The following COMMD10 variants were observed in gnomAD, a reference collection of about 807,000 sequenced individuals.
The protein encoded by COMMD10 is COMM domain containing 10.
A neutral mutation model predicts 28.9 loss-of-function variants in COMMD10; 33 were observed. That is an observed-to-expected ratio of 1.14 (90% CI 0.87 to 1.53). The LOEUF (loss-of-function observed/expected upper bound fraction) is 1.53, where lower values mean the gene tolerates loss of function less well. Ranked by LOEUF, COMMD10 falls within the 40% of genes most tolerant of loss-of-function variation. The pLI, the probability that COMMD10 is intolerant of heterozygous loss-of-function variation, is 0.00. For missense variants in COMMD10, 310 were observed against 233.4 expected (o/e 1.33, Z -2.14); for synonymous variants, 110 against 81.7 (o/e 1.35, Z -1.87).
intron 5 of COMMD10, among the ~76,000 whole-genome samples, chr5:116,173,838 G>GTTTTTTTTTTTTT (rs201419186): frequency 8.4e-6 from 1 of 118,940 alleles, no homozygotes. Flanking sequence ...GTTTTGTTTT[G>GTTTTTTTTTTTTT]TTTTGTTTTT....
chr5:116,183,586 CTT>C (rs2112599894), intron 5 of COMMD10, among the ~76,000 whole-genome samples: 1 of 152,122 alleles, frequency 6.6e-6, no homozygotes, highest in Admixed American at 6.5e-5. Flanking sequence ...TTGTAACTTT[CTT>C]TGTGTTCTGA....
At chr5:116,174,906 A>G (rs1000410168) in intron 5 of COMMD10, among the ~76,000 whole-genome samples, 1 of 151,952 alleles carries the variant, frequency 6.6e-6, no homozygotes, top group Non-Finnish European at 1.5e-5. Context: ...AAAGTTTGAA[A>G]CTCCTTTAAG....
At chr5:116,211,781 C>A (rs1561669491) in intron 5 of COMMD10, among the ~76,000 whole-genome samples, 1 of 152,062 alleles carries the variant, frequency 6.6e-6, no homozygotes, top group Non-Finnish European at 1.5e-5. Flanking sequence ...CACACACATG[C>A]ACACGCACAC....
chr5:116,263,123 T>C (rs1750492848), intron 5 of COMMD10, among the ~76,000 whole-genome samples: 1 of 151,850 alleles, frequency 6.6e-6, no homozygotes, highest in Non-Finnish European at 1.5e-5. Flanking sequence ...TAAGCCGTTT[T>C]TACTTACACA....
chr5:116,194,551 T>C (rs920399985), intron 5 of COMMD10, among the ~76,000 whole-genome samples: 8 of 152,058 alleles, frequency 5.3e-5, no homozygotes, highest in Non-Finnish European at 1.0e-4. Flanking sequence ...TTTATGCACA[T>C]AAACTAGAAA....
At chr5:116,258,790 T>G (rs554207854) in intron 5 of COMMD10, among the ~76,000 whole-genome samples, 1 of 151,804 alleles carries the variant, frequency 6.6e-6, no homozygotes, top group South Asian at 2.1e-4. Flanking sequence ...GATGCCATAT[T>G]ATTAATGCTT....
chr5:116,179,930 A>G (rs1216512580), intron 5 of COMMD10, among the ~76,000 whole-genome samples: 1 of 152,102 alleles, frequency 6.6e-6, no homozygotes, highest in African/African-American at 2.4e-5. Flanking sequence ...AATAAAGGTA[A>G]GAAGAGTGTA....
Position 116,218,637 on chromosome 5 carries a change from T to G in COMMD10, c.511-72880T>G, listed in dbSNP as rs188696165. 5.1e-4 allele frequency among the ~76,000 whole-genome samples: 78 copies of G among 152,218 alleles called. No individual in the cohort carries two copies. The East Asian group carries it at 0.014, about 28-fold the overall frequency. ...GTGGTAAGAGCTTCCCTATTCCCTG[T>G]TTGACACAAATTTTCTTGGAAGCAA... On this transcript the variant is annotated intron_variant, in intron 5 of 6. Coordinates refer to ENST00000274458, the MANE Select transcript of COMMD10 (RefSeq NM_016144.4).
chr5:116,104,602 T>C (rs1580447509), intron 4 of COMMD10, among the ~76,000 whole-genome samples: 1 of 152,144 alleles, frequency 6.6e-6, no homozygotes, highest in East Asian at 1.9e-4. Flanking sequence ...CACAGACAAT[T>C]TGACTTCCTC....
At chr5:116,135,031 C>G (rs989795578) in intron 5 of COMMD10, among the ~76,000 whole-genome samples, 3 of 152,098 alleles carry the variant, frequency 2.0e-5, no homozygotes, top group African/African-American at 7.2e-5. Flanking sequence ...GTTACTGCGG[C>G]ATATAGGGAA....
chr5:116,161,509 G>A (rs1180552039), intron 5 of COMMD10, among the ~76,000 whole-genome samples: 1 of 151,946 alleles, frequency 6.6e-6, no homozygotes, highest in Non-Finnish European at 1.5e-5. Flanking sequence ...TTGACTCCCC[G>A]AGACCTTTAT....
chr5:116,110,369 A>T (rs557497023), intron 4 of COMMD10, among the ~76,000 whole-genome samples: 2 of 152,004 alleles, frequency 1.3e-5, no homozygotes, highest in Non-Finnish European at 2.9e-5. Context: ...TGGTATTGGG[A>T]TGATACTGGA....
chr5:116,288,872 CTTTTTTTTT>C (rs1157658912), intron 5 of COMMD10, among the ~76,000 whole-genome samples: 2 of 104,382 alleles, frequency 1.9e-5, no homozygotes, highest in South Asian at 6.3e-4. Flanking sequence ...TGTTCTCTCT[CTTTTTTTTT>C]TTTTTTTTTT....
At chr5:116,104,011 T>G (rs1236933455) in intron 4 of COMMD10, among the ~76,000 whole-genome samples, 2 of 152,196 alleles carry the variant, frequency 1.3e-5, no homozygotes, top group African/African-American at 2.4e-5. Context: ...GGTCTATATG[T>G]CTGTATGGTA....
chr5:116,113,306 A>G (rs1751119277), intron 4 of COMMD10, among the ~76,000 whole-genome samples: 1 of 142,320 alleles, frequency 7.0e-6, no homozygotes, highest in South Asian at 2.2e-4. Context: ...TTTATGTTGT[A>G]TTTGCCTGCA....
chr5:116,250,446 G>T (rs1290393744), intron 5 of COMMD10, among the ~76,000 whole-genome samples: 1 of 151,178 alleles, frequency 6.6e-6, no homozygotes, highest in Admixed American at 6.6e-5. Context: ...ATACATAATT[G>T]GAGATACTAG....
intron 4 of COMMD10, among the ~76,000 whole-genome samples, chr5:116,127,364 G>A (rs1258735721): frequency 2.6e-5 from 4 of 152,204 alleles, no homozygotes; most frequent in Non-Finnish European, 4.4e-5. Flanking sequence ...GGAAGACAGT[G>A]TGGCGATTCC....
intron 5 of COMMD10, among the ~76,000 whole-genome samples, chr5:116,214,981 C>G (rs1749060058): frequency 6.6e-6 from 1 of 151,978 alleles, no homozygotes; most frequent in Non-Finnish European, 1.5e-5. Flanking sequence ...TATTGGAGGT[C>G]TTTTCTCCCC....
intron 5 of COMMD10, among the ~76,000 whole-genome samples, chr5:116,242,299 G>A (rs1414979669): frequency 6.6e-6 from 1 of 152,198 alleles, no homozygotes; most frequent in Non-Finnish European, 1.5e-5. Flanking sequence ...TGATGATATG[G>A]TAGACAAATT....
Sources: gnomAD v4.1 joint callset for allele counts (sites outside exome capture counted in the v4.1 genomes callset) on GRCh38, gnomAD v4.1.1 for gene constraint, MANE v1.5 for transcripts, NCBI Gene and HGNC (gene_info 2026-07-23, HGNC 2026-07-21) for gene names.